Variants in CACNA2D1 observed in about 807,000 individuals in gnomAD.
The protein encoded by CACNA2D1 is calcium voltage-gated channel auxiliary subunit alpha2delta 1.
CACNA2D1 carries 53 observed loss-of-function variants against 171.5 expected under a neutral mutation model. That is an observed-to-expected ratio of 0.31 (90% confidence interval 0.25 to 0.39). The LOEUF (loss-of-function observed/expected upper bound fraction) is 0.39, where lower values mean the gene tolerates loss of function less well. Ranked by LOEUF, CACNA2D1 falls within the 10% of genes least tolerant of loss-of-function variation. The pLI, the probability that CACNA2D1 is intolerant of heterozygous loss-of-function variation, is 1.00. For missense variants in CACNA2D1, 903 were observed against 1,299.8 expected (o/e 0.69, Z 4.69); for synonymous variants, 442 against 443.1 (o/e 1.00, Z 0.03).
intron 11 of CACNA2D1, chr7:82,033,123 A>G (rs900764919): frequency 3.4e-5 from 15 of 443,492 alleles, no homozygotes; most frequent in Non-Finnish European, 6.1e-5. Context: ...CACTTCCTTC[A>G]GTCTTTGATC....
intron 20 of CACNA2D1, among the ~76,000 whole-genome samples, chr7:81,993,846 A>G (rs6977191): frequency 0.017 from 2,610 of 152,236 alleles, 75 homozygotes; most frequent in African/African-American, 0.054. Flanking sequence ...TTGAAGGAAG[A>G]AAAATATCAA....
Position 82,294,473 on chromosome 7 carries a change from G to A in CACNA2D1, c.294+40662C>T, listed in dbSNP as rs188463839. 1.6e-3 allele frequency among the ~76,000 whole-genome samples: 237 copies of A among 152,114 alleles called. 1 individual carries two copies. The highest frequency in any genetic ancestry group is 5.4e-3 in the African/African-American group (224 of 41,508). On this transcript the variant is annotated intron_variant, in intron 3 of 38. Transcript: ENST00000356860. ...TTTTACTATAATTAAGTTTTCTGCT[G>A]CAACAGAAATATGACTTTTTGTACT...
intron 10 of CACNA2D1, among the ~76,000 whole-genome samples, chr7:82,048,949 C>T (rs919108992): frequency 3.3e-5 from 5 of 151,884 alleles, no homozygotes; most frequent in African/African-American, 9.7e-5. Context: ...ATTCCCTTTG[C>T]CTCACCCTGA....
intron 18 of CACNA2D1, among the ~76,000 whole-genome samples, chr7:81,999,094 C>T (rs2130812705): frequency 6.6e-6 from 1 of 152,100 alleles, no homozygotes; most frequent in East Asian, 1.9e-4. Flanking sequence ...ATGGATAATG[C>T]ATAGCATGAC....
intron 3 of CACNA2D1, among the ~76,000 whole-genome samples, chr7:82,329,432 C>G (rs77536547): frequency 0.039 from 5,909 of 152,150 alleles, 224 homozygotes; most frequent in Admixed American, 0.11. Context: ...TTTCTTTGAG[C>G]AAAATGCCTA....
At chr7:82,304,389 A>G (rs1460706536) in intron 3 of CACNA2D1, among the ~76,000 whole-genome samples, 2 of 152,032 alleles carry the variant, frequency 1.3e-5, no homozygotes, top group East Asian at 1.9e-4. Context: ...TTAAAAGGAT[A>G]CCTGCACTCC....
At chr7:82,412,772 A>T (rs1462699106) in intron 1 of CACNA2D1, among the ~76,000 whole-genome samples, 2 of 151,930 alleles carry the variant, frequency 1.3e-5, no homozygotes, top group Non-Finnish European at 2.9e-5. Flanking sequence ...GGTGAAAATT[A>T]TGCAGAAATC....
chr7:82,074,188 C>G (rs954859601), intron 7 of CACNA2D1, among the ~76,000 whole-genome samples: 1 of 152,088 alleles, frequency 6.6e-6, no homozygotes, highest in Non-Finnish European at 1.5e-5. Flanking sequence ...TATAATTCAC[C>G]AGACAGCTGA....
intron 3 of CACNA2D1, among the ~76,000 whole-genome samples, chr7:82,217,834 C>T (rs1801319461): frequency 6.6e-6 from 1 of 151,454 alleles, no homozygotes; most frequent in Non-Finnish European, 1.5e-5. Flanking sequence ...CCATCATCAT[C>T]AGTGACCTAC....
chr7:82,103,978 G>T (rs1033381604), intron 6 of CACNA2D1, among the ~76,000 whole-genome samples: 4 of 151,924 alleles, frequency 2.6e-5, no homozygotes, highest in African/African-American at 7.2e-5. Context: ...CCATCAAAGT[G>T]AATAATTTCA....
chr7:81,966,473 G>A (rs1794717328), intron 31 of CACNA2D1, among the ~76,000 whole-genome samples: 1 of 151,454 alleles, frequency 6.6e-6, no homozygotes, highest in Non-Finnish European at 1.5e-5. Context: ...TTTCACAGGA[G>A]TAGGAGTGAT....
intron 24 of CACNA2D1, among the ~76,000 whole-genome samples, chr7:81,978,770 TACACACACACAC>T (rs369514706): frequency 0.094 from 13,593 of 143,928 alleles, 669 homozygotes; most frequent in Middle Eastern, 0.19. Flanking sequence ...TATATATATA[TACACACACACAC>T]ACACTGTTCA....
At chr7:82,385,905 T>C (rs528909950) in intron 1 of CACNA2D1, among the ~76,000 whole-genome samples, 5 of 152,224 alleles carry the variant, frequency 3.3e-5, no homozygotes, top group African/African-American at 1.2e-4. Context: ...CCTCAAGTGA[T>C]CCACCTGCCT....
intron 1 of CACNA2D1, among the ~76,000 whole-genome samples, chr7:82,360,572 A>C (rs1320692485): frequency 6.6e-6 from 1 of 152,224 alleles, no homozygotes; most frequent in Non-Finnish European, 1.5e-5. Context: ...GATATTATTT[A>C]TAACATGCAA....
chr7:82,136,546 C>CTTAAAAACTTAAAAACT, intron 5 of CACNA2D1, 89 bp downstream of exon 5: 1 of 1,010,810 alleles, frequency 9.9e-7, no homozygotes, highest in Non-Finnish European at 1.5e-6. Context: ...GTCTTAAAAA[C>CTTAAAAACTTAAAAACT]TAAAACTGCT....
At chr7:81,967,767 C>T (rs1425951914) in intron 29 of CACNA2D1, 104 bp from the exon 30 acceptor site, 5 of 632,158 alleles carry the variant, frequency 7.9e-6, no homozygotes, top group African/African-American at 5.6e-5. Context: ...TAGTTTATTA[C>T]AGAAGTTTTA....
chr7:82,395,582 CT>C (rs1376681983), intron 1 of CACNA2D1, among the ~76,000 whole-genome samples: 1 of 152,094 alleles, frequency 6.6e-6, no homozygotes, highest in Non-Finnish European at 1.5e-5. Context: ...AATGTGTATT[CT>C]AAAAGTGACT....
At chr7:82,415,805 G>C (rs946935620) in intron 1 of CACNA2D1, among the ~76,000 whole-genome samples, 5 of 152,094 alleles carry the variant, frequency 3.3e-5, no homozygotes, top group African/African-American at 1.2e-4. Flanking sequence ...AGAAAAGCAA[G>C]ATGGATGAAT....
chr7:82,066,203 G>C (rs1014181909), intron 8 of CACNA2D1, among the ~76,000 whole-genome samples: 1 of 151,996 alleles, frequency 6.6e-6, no homozygotes. Flanking sequence ...GTGTAGTACT[G>C]AGATTAAATA....
Sources: gnomAD v4.1 joint callset for allele counts (sites outside exome capture counted in the v4.1 genomes callset) on GRCh38, gnomAD v4.1.1 for gene constraint, MANE v1.5 for transcripts, NCBI Gene and HGNC (gene_info 2026-07-23, HGNC 2026-07-21) for gene names.